Variants in PSTPIP2 observed in about 807,000 individuals in gnomAD.
The protein encoded by PSTPIP2 is proline-serine-threonine phosphatase-interacting protein 2.
PSTPIP2 carries 33 observed loss-of-function variants against 63.3 expected under a neutral mutation model. That is an observed-to-expected ratio of 0.52 (90% confidence interval 0.40 to 0.70). PSTPIP2 has a LOEUF of 0.70. Ranked by LOEUF, PSTPIP2 falls within the 30% of genes least tolerant of loss-of-function variation. PSTPIP2 has a pLI of 0.00. For missense variants in PSTPIP2, 312 were observed against 400.7 expected (o/e 0.78, Z 1.89); for synonymous variants, 125 against 132.7 (o/e 0.94, Z 0.40).
chr18:46,053,357 T>A (rs191022725), intron 1 of PSTPIP2, among the ~76,000 whole-genome samples: 1 of 152,342 alleles, frequency 6.6e-6, no homozygotes, highest in East Asian at 1.9e-4. Context: ...GAGGATGTTT[T>A]ATATATTCAA....
At chr18:46,021,095 G>A (rs1361917221) in intron 3 of PSTPIP2, among the ~76,000 whole-genome samples, 1 of 152,130 alleles carries the variant, frequency 6.6e-6, no homozygotes, top group Admixed American at 6.5e-5. Flanking sequence ...TCCATAAAAT[G>A]TTCTAAACCA....
At chr18:46,056,851 C>T (rs148002671) in intron 1 of PSTPIP2, among the ~76,000 whole-genome samples, 105 of 152,004 alleles carry the variant, frequency 6.9e-4, no homozygotes, top group African/African-American at 2.5e-3. Context: ...CCTGTAATTC[C>T]AGCACTTTGG....
Position 45,994,203 on chromosome 18 carries a change from T to C in PSTPIP2, c.643-500A>G, listed in dbSNP as rs112452461. 9.9e-4 allele frequency among the ~76,000 whole-genome samples: 136 copies of C among 136,866 alleles called. 1 individual carries two copies. In the Middle Eastern group the frequency reaches 0.014, roughly 14 times the overall value. 89.8% of individuals were successfully genotyped at this position (136,866 alleles called of 152,430 possible). ...AAAAAAAGGGTTAAAATAAAAGTCA[T>C]TGCCTGAGATACAGTATTTTGGATA... On this transcript the variant is annotated intron_variant, in intron 9 of 14. Transcript: ENST00000409746.
chr18:46,010,983 A>C (rs1168363309), intron 5 of PSTPIP2, 198 bp downstream of exon 5: 1 of 528,438 alleles, frequency 1.9e-6, no homozygotes, highest in African/African-American at 1.9e-5. Context: ...TGTGAACTTT[A>C]AAAAAGGACA....
In PSTPIP2 at chr18:46,005,471, C is replaced by T. The variant is rs1463540987; in HGVS notation, c.415G>A (p.Asp139Asn). ...AAAGACAATAAAATGTGACTCACAT[C>T]CATGGTTTTCTTGAATTGTAAGCTC... Reference protein sequence around the residue: ...QKSLQFKKTMDAKKNYEQKCR... With the variant: ...QKSLQFKKTMNAKKNYEQKCR... The change falls in exon 6 of 15, where the codon GAT becomes AAT. Residue 139 changes from aspartate to asparagine, a missense_variant and splice_region_variant. By Grantham distance (23) the Asp-to-Asn change is conservative. Coordinates refer to ENST00000409746, the MANE Select transcript of PSTPIP2 (RefSeq NM_024430.4). 6.3e-7 allele frequency: 1 copy of T among 1,593,052 alleles called. No individual in the cohort carries two copies. Among genetic ancestry groups the T allele is most frequent in the Non-Finnish European group, 8.6e-7 (1 of 1,162,098 alleles).
intron 1 of PSTPIP2, among the ~76,000 whole-genome samples, chr18:46,061,684 C>A (rs1288078630): frequency 1.3e-5 from 2 of 152,194 alleles, no homozygotes; most frequent in Admixed American, 6.5e-5. Flanking sequence ...ATCAACAGTG[C>A]CCAGATCTGG....
In PSTPIP2 at chr18:45,993,655, A is replaced by G. The variant is rs762752132; in HGVS notation, c.691T>C (p.Leu231=). The change falls in exon 10 of 15, where the codon TTG becomes CTG. Residue 231 remains leucine, a synonymous_variant. Transcript: ENST00000409746. ...GACAGCTGATTCACATGTAACCACA[A>G]TGCATTCCGGAAGAAGTTTATTCGT... is the stretch of plus-strand genomic sequence containing the variant. ...CERINFFRNA[L]WLHVNQLSQQ... 14 of 1,614,200 alleles carry G rather than the reference A, an allele frequency of 8.7e-6. No individual in the cohort carries two copies. Among genetic ancestry groups the G allele is most frequent in the East Asian group, 2.2e-5 (1 of 44,884 alleles).
intron 10 of PSTPIP2, among the ~76,000 whole-genome samples, chr18:45,992,634 C>CA (rs897435010): frequency 1.6e-4 from 24 of 150,048 alleles, no homozygotes; most frequent in Non-Finnish European, 2.4e-4. Context: ...TTCTTGTTTT[C>CA]AAAAAAAAAG....
intron 3 of PSTPIP2, among the ~76,000 whole-genome samples, chr18:46,019,555 C>T (rs1267680584): frequency 1.3e-5 from 2 of 152,148 alleles, no homozygotes; most frequent in East Asian, 1.9e-4. Flanking sequence ...AATCCCAGCA[C>T]GTTGCGAGGC....
intron 12 of PSTPIP2, 152 bp from the exon 13 acceptor site, chr18:45,990,908 A>T: frequency 1.7e-6 from 1 of 585,726 alleles, no homozygotes; most frequent in Non-Finnish European, 2.9e-6. Flanking sequence ...GATCTGTAGC[A>T]CTGACCTACG....
chr18:46,043,738 G>A (rs370963355), intron 1 of PSTPIP2, among the ~76,000 whole-genome samples: 8 of 152,054 alleles, frequency 5.3e-5, no homozygotes, highest in African/African-American at 1.9e-4. Flanking sequence ...CATGATTATG[G>A]ACATAGAAAA....
intron 1 of PSTPIP2, among the ~76,000 whole-genome samples, chr18:46,054,775 C>T (rs1178044652): frequency 6.6e-6 from 1 of 151,618 alleles, no homozygotes; most frequent in Non-Finnish European, 1.5e-5. Flanking sequence ...ATTCTCCTGC[C>T]TCAGCCTCCT....
intron 2 of PSTPIP2, among the ~76,000 whole-genome samples, chr18:46,026,979 T>C (rs909389361): frequency 2.0e-5 from 3 of 152,036 alleles, no homozygotes; most frequent in African/African-American, 7.2e-5. Flanking sequence ...AACAGATGCA[T>C]GCAACAAATA....
chr18:46,008,453 A>G (rs1048757737), intron 5 of PSTPIP2, among the ~76,000 whole-genome samples: 2 of 131,830 alleles, frequency 1.5e-5, no homozygotes, highest in East Asian at 5.1e-4. Context: ...CTGGGATTAC[A>G]GGCATGAGTG....
At chr18:46,009,471 T>C (rs1427915538) in intron 5 of PSTPIP2, among the ~76,000 whole-genome samples, 1 of 151,696 alleles carries the variant, frequency 6.6e-6, no homozygotes, top group Non-Finnish European at 1.5e-5. Flanking sequence ...AAATGTGGAC[T>C]TCTCAAAGAA....
chr18:46,064,732 G>C (rs1467163674), intron 1 of PSTPIP2, among the ~76,000 whole-genome samples: 1 of 152,094 alleles, frequency 6.6e-6, no homozygotes, highest in African/African-American at 2.4e-5. Flanking sequence ...ACTTATTAGA[G>C]AAACATAGTA....
At chr18:46,004,033 TG>T (rs1478668068) in intron 6 of PSTPIP2, among the ~76,000 whole-genome samples, 1 of 152,124 alleles carries the variant, frequency 6.6e-6, no homozygotes, top group Non-Finnish European at 1.5e-5. Flanking sequence ...CCCGAAGTGC[TG>T]GGATTACAGG....
intron 1 of PSTPIP2, among the ~76,000 whole-genome samples, chr18:46,063,650 T>C (rs1247546386): frequency 6.6e-6 from 1 of 151,640 alleles, no homozygotes; most frequent in African/African-American, 2.4e-5. Context: ...CGTGTATATA[T>C]ACAAAAATAT....
intron 1 of PSTPIP2, among the ~76,000 whole-genome samples, chr18:46,063,857 G>T (rs1252597006): frequency 6.6e-6 from 1 of 152,170 alleles, no homozygotes; most frequent in Non-Finnish European, 1.5e-5. Flanking sequence ...GACTGACAGA[G>T]TGAAACTAGC....
Sources: allele counts gnomAD v4.1 joint callset (sites outside exome capture counted in the v4.1 genomes callset), GRCh38; gene constraint gnomAD v4.1.1; transcripts MANE v1.5; gene names NCBI Gene and HGNC (gene_info 2026-07-23, HGNC 2026-07-21).